AR: variants seen among roughly 807,000 people sequenced by gnomAD.
AR encodes the protein androgen receptor.
AR carries 8 observed loss-of-function variants against 53.9 expected under a neutral mutation model. That is an observed-to-expected ratio of 0.15 (90% CI 0.09 to 0.27). The LOEUF (loss-of-function observed/expected upper bound fraction) is 0.27, where lower values mean the gene tolerates loss of function less well. Ranked by LOEUF, AR falls within the 10% of genes least tolerant of loss-of-function variation. AR has a pLI of 1.00. For synonymous variants in AR, 359 were observed against 316.4 expected (o/e 1.13, Z -1.43); for missense variants, 639 against 742.5 (o/e 0.86, Z 1.62).
intron 1 of AR, among the ~76,000 whole-genome samples, chrX:67,595,444 T>A (rs1923033420): frequency 9.0e-6 from 1 of 111,117 alleles, no homozygotes; most frequent in African/African-American, 3.3e-5. Flanking sequence ...TGGTATAATT[T>A]GCTTTTTAAA....
At chrX:67,688,236 C>A (rs1242091660) in intron 3 of AR, among the ~76,000 whole-genome samples, 1 of 111,255 alleles carries the variant, frequency 9.0e-6, no homozygotes, top group East Asian at 2.9e-4. Context: ...CACAAGATAC[C>A]AGGATTCTTG....
intron 1 of AR, among the ~76,000 whole-genome samples, chrX:67,630,096 G>GA (rs1197369347): frequency 1.8e-5 from 2 of 110,985 alleles, no homozygotes; most frequent in African/African-American, 6.6e-5. Flanking sequence ...GTGTGGTGCT[G>GA]AAAAAAATGT....
chrX:67,726,946 T>C lies in AR; in HGVS notation c.*3105T>C, dbSNP rs1232769296. On this transcript the variant is annotated 3_prime_UTR_variant, in exon 8 of 8. Coordinates refer to ENST00000374690, the MANE Select transcript of AR (RefSeq NM_000044.6). ...TCACAAGGACCATCTCCAAACAAGT[T>C]GGCAGTGCTCGATGTGGACGAAGAG... 1 of 172,875 alleles carries C rather than the reference T, an allele frequency of 5.8e-6. No individual in the cohort carries two copies. The highest frequency in any genetic ancestry group is 1.1e-5 in the Non-Finnish European group (1 of 90,468). 14.2% of individuals were successfully genotyped at this position (172,875 alleles called of 1,213,427 possible).
intron 2 of AR, among the ~76,000 whole-genome samples, chrX:67,664,663 G>C (rs1030223026): frequency 8.9e-6 from 1 of 112,288 alleles, no homozygotes; most frequent in African/African-American, 3.2e-5. Flanking sequence ...GGACATTTAA[G>C]TCTGCAGAGG....
Position 67,730,557 on chromosome X carries a change from G to A in AR, c.*6716G>A. The stretch of plus-strand genomic sequence containing the variant: ...TTGTTAACAAAGAGACCCAAGAAAA[G>A]CTGCTAATGTCCTCTTATCATTGTT... On this transcript the variant is annotated 3_prime_UTR_variant, in exon 8 of 8. Coordinates refer to ENST00000374690, the MANE Select transcript of AR (RefSeq NM_000044.6). The A allele has an allele frequency of 5.8e-6, 1 of 171,521 alleles. No individual in the cohort carries two copies. The highest frequency in any genetic ancestry group is 1.1e-5 in the Non-Finnish European group (1 of 89,069). The allele number at this position is 171,521 out of a possible 1,213,427, so 14.1% of individuals were successfully genotyped here. A position where few individuals can be genotyped will look rare whatever the true frequency, so the allele number is the denominator to read the frequency against.
chrX:67,644,901 C>A (rs930558573), intron 2 of AR, among the ~76,000 whole-genome samples: 1 of 111,294 alleles, frequency 9.0e-6, no homozygotes, highest in African/African-American at 3.3e-5. Context: ...GCCTAAAGAG[C>A]CTGAGAGCAG....
chrX:67,610,028 A>G (rs895629538), intron 1 of AR, among the ~76,000 whole-genome samples: 1 of 111,748 alleles, frequency 8.9e-6, no homozygotes, highest in African/African-American at 3.3e-5. Context: ...TCTAACCTGT[A>G]ATGAAACAAA....
intron 3 of AR, chrX:67,694,650 A>G (rs1219619476): frequency 4.3e-6 from 5 of 1,154,673 alleles, no homozygotes; most frequent in Non-Finnish European, 5.7e-6. Flanking sequence ...GCTACAGTCA[A>G]CAATGTCTCT....
chrX:67,667,597 G>C (rs1415418384), intron 2 of AR, among the ~76,000 whole-genome samples: 2 of 111,361 alleles, frequency 1.8e-5, no homozygotes, highest in Non-Finnish European at 3.8e-5. Flanking sequence ...TTTATGTCAA[G>C]AATGTCATTG....
chrX:67,667,271 T>A (rs952501525), intron 2 of AR, among the ~76,000 whole-genome samples: 1 of 111,764 alleles, frequency 8.9e-6, no homozygotes, highest in Non-Finnish European at 1.9e-5. Context: ...TCCTTCTGCA[T>A]ATGGATATCC....
chrX:67,657,597 C>CATTGT (rs778471108), intron 2 of AR, among the ~76,000 whole-genome samples: 53 of 112,218 alleles, frequency 4.7e-4, no homozygotes, highest in Non-Finnish European at 8.3e-4. Flanking sequence ...TACTGGAGTG[C>CATTGT]ATTGTGTCTG....
intron 2 of AR, among the ~76,000 whole-genome samples, chrX:67,651,655 G>A (rs1262054472): frequency 9.0e-6 from 1 of 111,579 alleles, no homozygotes; most frequent in African/African-American, 3.3e-5. Context: ...ATGAGAGAAG[G>A]AAGTTAAGAA....
At chrX:67,658,056 C>T (rs1020419539) in intron 2 of AR, among the ~76,000 whole-genome samples, 6 of 111,878 alleles carry the variant, frequency 5.4e-5, no homozygotes, top group African/African-American at 1.9e-4. Flanking sequence ...AAACTCCCAT[C>T]ATATGTGGAA....
chrX:67,685,793 T>A (rs2075962826), intron 2 of AR: 2 of 474,724 alleles, frequency 4.2e-6, no homozygotes, highest in Admixed American at 8.3e-5. Flanking sequence ...TGTTCATCCC[T>A]AAAAAAAACA....
intron 2 of AR, among the ~76,000 whole-genome samples, chrX:67,677,813 G>T (rs1212450109): frequency 1.8e-5 from 2 of 111,112 alleles, no homozygotes; most frequent in East Asian, 2.8e-4. Flanking sequence ...AAATGAGATT[G>T]TTGGATTAGA....
At chrX:67,609,149 G>T (rs187920998) in intron 1 of AR, among the ~76,000 whole-genome samples, 38 of 111,147 alleles carry the variant, frequency 3.4e-4, no homozygotes, top group Admixed American at 3.2e-3. Flanking sequence ...TCTCTTGTTG[G>T]ACATCTAAGT....
Position 67,711,398 on chromosome X carries a change from A to G in AR, c.1886-4A>G, listed in dbSNP as rs375891414. 2.6e-5 allele frequency: 31 copies of G among 1,184,010 alleles called. No homozygotes were observed. In the African/African-American group the frequency reaches 3.5e-4, roughly 14 times the overall value. ...AAATTCAAGTCTCTCTTCCTTCCCA[A>G]TAGCCCGGAAGCTGAAGAAACTTGG... is the stretch of plus-strand genomic sequence containing the variant. On this transcript the variant is annotated splice_region_variant and splice_polypyrimidine_tract_variant and intron_variant, in intron 3 of 7. Coordinates refer to ENST00000374690, the MANE Select transcript of AR (RefSeq NM_000044.6).
chrX:67,713,635 T>G (rs751616924), intron 4 of AR, among the ~76,000 whole-genome samples: 12 of 112,238 alleles, frequency 1.1e-4, no homozygotes, highest in Non-Finnish European at 2.1e-4. Flanking sequence ...ACTTGCTCCA[T>G]TTGGTCACTT....
At chrX:67,721,325 G>A (rs2076134776) in intron 5 of AR, among the ~76,000 whole-genome samples, 1 of 112,293 alleles carries the variant, frequency 8.9e-6, no homozygotes, top group African/African-American at 3.2e-5. Context: ...AGGCAAAGGG[G>A]TCAACAGGAT....
Sources: allele counts gnomAD v4.1 joint callset (sites outside exome capture counted in the v4.1 genomes callset), GRCh38; gene constraint gnomAD v4.1.1; transcripts MANE v1.5; gene names NCBI Gene and HGNC (gene_info 2026-07-23, HGNC 2026-07-21).